Variants in THSD7B observed in about 807,000 individuals in gnomAD.
The protein encoded by THSD7B is thrombospondin type 1 domain containing 7B.
Under a neutral mutation model 213.6 loss-of-function variants are expected in THSD7B, and 138 were observed. The ratio of observed to expected loss-of-function variants is 0.65; its 90% CI spans 0.56 to 0.74. The LOEUF (loss-of-function observed/expected upper bound fraction) is 0.74. Ranked by LOEUF, THSD7B falls within the 30% of genes least tolerant of loss-of-function variation. THSD7B has a pLI of 0.00. For missense variants in THSD7B, 1,931 were observed against 1,991.5 expected (o/e 0.97, Z 0.58); for synonymous variants, 742 against 687.0 (o/e 1.08, Z -1.25).
intron 15 of THSD7B, among the ~76,000 whole-genome samples, chr2:137,452,626 T>G (rs888169878): frequency 2.0e-5 from 3 of 152,168 alleles, no homozygotes; most frequent in Non-Finnish European, 4.4e-5. Context: ...TGTTAAACAC[T>G]CATTTTAATA....
At chr2:137,325,330 C>T (rs1401762378) in intron 12 of THSD7B, among the ~76,000 whole-genome samples, 1 of 152,128 alleles carries the variant, frequency 6.6e-6, no homozygotes, top group Admixed American at 6.5e-5. Flanking sequence ...TTAAATTTTC[C>T]ATTTTATGCT....
intron 12 of THSD7B, among the ~76,000 whole-genome samples, chr2:137,305,455 A>T (rs9753450): frequency 6.6e-6 from 1 of 152,068 alleles, no homozygotes; most frequent in Non-Finnish European, 1.5e-5. Context: ...AGGAGGATGA[A>T]TTGAAACTCA....
At position 137,405,742 on chromosome 2, in the gene THSD7B, G is replaced by C; in HGVS notation, c.2630G>C (p.Trp877Ser). Reference protein sequence around the residue: ...PCREDCTFTAWSKFTPCSTNC... With the variant: ...PCREDCTFTASSKFTPCSTNC... ...CGAGAAGACTGCACCTTCACTGCTT[G>C]GTCCAAGTTTACGCCCTGCTCCACG... The change falls in exon 13 of 28, where the codon TGG becomes TCG. Residue 877 changes from tryptophan to serine, a missense_variant. Physicochemically the swap from Trp to Ser is radical, Grantham distance 177 (BLOSUM62 -3). Transcript: ENST00000409968. 6.2e-7 allele frequency: 1 copy of C among 1,613,644 alleles called. No individual in the cohort carries two copies. The highest frequency in any genetic ancestry group is 8.5e-7 in the Non-Finnish European group (1 of 1,179,804).
At chr2:136,911,542 C>T (rs1162867220) in intron 2 of THSD7B, among the ~76,000 whole-genome samples, 1 of 152,126 alleles carries the variant, frequency 6.6e-6, no homozygotes, top group East Asian at 1.9e-4. Context: ...AGGAAAGATA[C>T]CTTAGACATA....
At chr2:137,529,600 T>TA (rs5834559) in intron 15 of THSD7B, among the ~76,000 whole-genome samples, 25,228 of 151,346 alleles carry the variant, frequency 0.17, 2,226 homozygotes, top group South Asian at 0.28. Context: ...AAGAATCTTT[T>TA]TTTTTTTTTT....
chr2:137,580,522 C>A (rs1442598731), intron 17 of THSD7B, among the ~76,000 whole-genome samples: 1 of 152,122 alleles, frequency 6.6e-6, no homozygotes, highest in Non-Finnish European at 1.5e-5. Flanking sequence ...CCTATCCTTT[C>A]TTGATATTCA....
intron 1 of THSD7B, among the ~76,000 whole-genome samples, chr2:136,778,801 A>G (rs1398037802): frequency 6.6e-6 from 1 of 152,180 alleles, no homozygotes; most frequent in Non-Finnish European, 1.5e-5. Flanking sequence ...TTTAAAAGAG[A>G]AGAGATGCAC....
intron 20 of THSD7B, among the ~76,000 whole-genome samples, chr2:137,633,203 G>A (rs568055711): frequency 6.6e-6 from 1 of 152,302 alleles, no homozygotes; most frequent in South Asian, 2.1e-4. Flanking sequence ...TAAGAGAAGT[G>A]AGAAGTACAG....
chr2:137,546,464 A>T (rs182757306), intron 15 of THSD7B, among the ~76,000 whole-genome samples: 1,775 of 16,704 alleles, frequency 0.11, 386 homozygotes, highest in African/African-American at 0.38. Context: ...ATTATATATA[A>T]TATATATATA....
At chr2:136,787,834 T>C (rs929226529) in intron 1 of THSD7B, among the ~76,000 whole-genome samples, 2 of 46,022 alleles carry the variant, frequency 4.3e-5, no homozygotes, top group Non-Finnish European at 1.2e-4. Flanking sequence ...AGAGCCATTG[T>C]GTAGTTTCCC....
chr2:137,131,708 C>T (rs1017038020), intron 5 of THSD7B, among the ~76,000 whole-genome samples: 4 of 152,184 alleles, frequency 2.6e-5, no homozygotes, highest in African/African-American at 9.7e-5. Flanking sequence ...AGCGTTATTT[C>T]TGAGAGCTCT....
At chr2:136,977,822 T>C (rs1003476508) in intron 2 of THSD7B, among the ~76,000 whole-genome samples, 2 of 135,572 alleles carry the variant, frequency 1.5e-5, no homozygotes, top group Admixed American at 7.4e-5. Flanking sequence ...TTTTTTTTTT[T>C]AAACGGAGTC....
rs556653711 is a variant in THSD7B, at chr2:137,259,732, T to A, written c.2267-12801T>A. Among the ~76,000 whole-genome samples, 7 of 152,322 alleles carry A rather than the reference T, an allele frequency of 4.6e-5. No homozygotes were observed. In the South Asian group the frequency reaches 8.3e-4, roughly 18 times the overall value. ...AACACTAAATGTTTAGCTTATTTATTTTCAAATTGCCTTTCTCCCTCTACT... is the reference window on the plus strand; with the variant it reads ...AACACTAAATGTTTAGCTTATTTATATTCAAATTGCCTTTCTCCCTCTACT... On this transcript the variant is annotated intron_variant, in intron 10 of 27. Transcript: ENST00000409968.
At chr2:137,636,923 A>G (rs13388416) in intron 20 of THSD7B, among the ~76,000 whole-genome samples, 40,700 of 152,104 alleles carry the variant, frequency 0.27, 6,014 homozygotes, top group African/African-American at 0.37. Flanking sequence ...CTTGAACTCA[A>G]GTGATCCCCC....
intron 12 of THSD7B, among the ~76,000 whole-genome samples, chr2:137,291,095 T>C (rs1455318980): frequency 6.6e-6 from 1 of 152,108 alleles, no homozygotes. Context: ...CTCTCTCATA[T>C]CCCTAATCCA....
intron 1 of THSD7B, among the ~76,000 whole-genome samples, chr2:136,807,842 C>T (rs1327614175): frequency 6.6e-6 from 1 of 152,174 alleles, no homozygotes; most frequent in Non-Finnish European, 1.5e-5. Context: ...TATTTCCTGT[C>T]CTAGAACCAG....
intron 1 of THSD7B, among the ~76,000 whole-genome samples, chr2:136,820,861 A>G (rs927965294): frequency 3.9e-5 from 6 of 152,168 alleles, no homozygotes; most frequent in African/African-American, 1.2e-4. Context: ...CAGTATCTGT[A>G]TCTACTTGAG....
At chr2:136,901,701 G>A (rs1421374441) in intron 2 of THSD7B, among the ~76,000 whole-genome samples, 2 of 152,222 alleles carry the variant, frequency 1.3e-5, no homozygotes, top group East Asian at 1.9e-4. Context: ...CCCCCAGGGA[G>A]TTTTATTTAT....
intron 1 of THSD7B, among the ~76,000 whole-genome samples, chr2:136,873,136 C>T (rs1683467787): frequency 6.6e-6 from 1 of 151,172 alleles, no homozygotes; most frequent in Non-Finnish European, 1.5e-5. Flanking sequence ...TTCAATCCCT[C>T]TTTTTATCTG....
Sources: gnomAD v4.1 joint callset for allele counts (sites outside exome capture counted in the v4.1 genomes callset) on GRCh38, gnomAD v4.1.1 for gene constraint, MANE v1.5 for transcripts, NCBI Gene and HGNC (gene_info 2026-07-23, HGNC 2026-07-21) for gene names.